Variants in LGR5 observed in about 807,000 individuals in gnomAD.
LGR5 encodes leucine rich repeat containing G protein-coupled receptor 5.
A neutral mutation model predicts 76.7 loss-of-function variants in LGR5; 54 were observed. That is an observed-to-expected ratio of 0.70 (90% CI 0.57 to 0.88). The LOEUF (loss-of-function observed/expected upper bound fraction) is 0.88. Among genes scored for constraint, LGR5 ranks in the 40% least tolerant of loss-of-function variants. The pLI is 0.00. For synonymous variants in LGR5, 406 were observed against 421.9 expected (o/e 0.96, Z 0.46); for missense variants, 1,078 against 1,073.3 (o/e 1.00, Z -0.06).
intron 1 of LGR5, among the ~76,000 whole-genome samples, chr12:71,472,598 GTCC>G (rs1334238262): frequency 6.6e-6 from 1 of 152,152 alleles, no homozygotes; most frequent in East Asian, 1.9e-4. Flanking sequence ...ACCACAACAT[GTCC>G]TCCTATCTTG....
In LGR5 at chr12:71,483,026, T is replaced by C. The variant is rs113650907; in HGVS notation, c.213-21588T>C. Among the ~76,000 whole-genome samples the C allele has an allele frequency of 2.8e-3, 428 of 152,158 alleles. 2 individuals are homozygous for C. The highest frequency in any genetic ancestry group is 9.5e-3 in the African/African-American group (393 of 41,506). Reference sequence around the variant, plus strand: ...ACCCCTAAGACAAATTTGGGAAAATTTGTGGGCATCAAAGAGCCCTGTAAA... The same window carrying C: ...ACCCCTAAGACAAATTTGGGAAAATCTGTGGGCATCAAAGAGCCCTGTAAA... On this transcript the variant is annotated intron_variant, in intron 1 of 17. Coordinates refer to ENST00000266674, the MANE Select transcript of LGR5 (RefSeq NM_003667.4).
chr12:71,536,755 T>C (rs1002217542), intron 4 of LGR5, among the ~76,000 whole-genome samples: 1 of 152,200 alleles, frequency 6.6e-6, no homozygotes, highest in Admixed American at 6.5e-5. Flanking sequence ...GTGAACTCTT[T>C]GAGAAAAAGA....
chr12:71,504,753 C>T, intron 2 of LGR5, 68 bp downstream of exon 2: 1 of 1,256,324 alleles, frequency 8.0e-7, no homozygotes, highest in Non-Finnish European at 1.2e-6. Context: ...GTCTCTCATA[C>T]TTACTGTGGG....
intron 1 of LGR5, among the ~76,000 whole-genome samples, chr12:71,466,738 G>T (rs34124466): frequency 0.19 from 28,403 of 151,626 alleles, 3,294 homozygotes; most frequent in African/African-American, 0.32. Flanking sequence ...AAACTTAAAA[G>T]GTTTTCTTTG....
chr12:71,567,686 G>A (rs981846156), intron 11 of LGR5, among the ~76,000 whole-genome samples: 5 of 152,108 alleles, frequency 3.3e-5, no homozygotes, highest in African/African-American at 1.2e-4. Context: ...TAGATAAACG[G>A]GAATGGCTGC....
chr12:71,489,024 G>A (rs35539623), intron 1 of LGR5, among the ~76,000 whole-genome samples: 23,857 of 152,126 alleles, frequency 0.16, 2,430 homozygotes, highest in Middle Eastern at 0.24. Context: ...TTTTCTACAA[G>A]GGAAAGCCTT....
chr12:71,572,824 C>T, intron 12 of LGR5, 26 bp from the exon 13 acceptor site: 2 of 1,588,428 alleles, frequency 1.3e-6, no homozygotes, highest in Non-Finnish European at 1.7e-6. Context: ...ACTTTGAAAT[C>T]AATCTTTGGA....
chr12:71,546,295 A>G (rs1406297356), intron 4 of LGR5, among the ~76,000 whole-genome samples: 1 of 141,862 alleles, frequency 7.0e-6, no homozygotes, highest in Admixed American at 7.5e-5. Context: ...AGCCTGGGAG[A>G]CAGAGTGAGA....
At chr12:71,449,412 CT>C (rs1872160066) in intron 1 of LGR5, among the ~76,000 whole-genome samples, 1 of 152,106 alleles carries the variant, frequency 6.6e-6, no homozygotes, top group South Asian at 2.1e-4. Flanking sequence ...AGTTCAAGAT[CT>C]TTTTTTATTG....
At chr12:71,580,148 T>C (rs1475479160) in intron 15 of LGR5, 130 bp from the exon 16 acceptor site, 1 of 777,030 alleles carries the variant, frequency 1.3e-6, no homozygotes, top group Non-Finnish European at 2.0e-6. Context: ...TTTATGTGCA[T>C]AACTTATACT....
intron 1 of LGR5, among the ~76,000 whole-genome samples, chr12:71,494,602 A>G (rs1003857584): frequency 6.6e-6 from 1 of 151,228 alleles, no homozygotes; most frequent in Admixed American, 6.6e-5. Flanking sequence ...CCATTTTTCT[A>G]GAATGGCACA....
At chr12:71,499,134 G>A (rs1874475903) in intron 1 of LGR5, among the ~76,000 whole-genome samples, 1 of 152,162 alleles carries the variant, frequency 6.6e-6, no homozygotes, top group South Asian at 2.1e-4. Context: ...CAGAGCTGAG[G>A]TTTTTCCAGG....
intron 4 of LGR5, among the ~76,000 whole-genome samples, chr12:71,546,769 C>G (rs1565741906): frequency 3.3e-5 from 5 of 152,162 alleles, no homozygotes; most frequent in Admixed American, 2.0e-4. Context: ...CTACAACACC[C>G]CCATTTCAGA....
At chr12:71,563,674 C>T (rs1485567820) in intron 8 of LGR5, among the ~76,000 whole-genome samples, 1 of 152,290 alleles carries the variant, frequency 6.6e-6, no homozygotes, top group African/African-American at 2.4e-5. Flanking sequence ...ATCCCATTCC[C>T]TCACTATGCT....
intron 5 of LGR5, among the ~76,000 whole-genome samples, chr12:71,555,434 C>CT (rs1190429379): frequency 3.3e-5 from 5 of 152,208 alleles, no homozygotes; most frequent in Admixed American, 6.5e-5. Flanking sequence ...TCTGACCTAA[C>CT]TGACTTACCA....
chr12:71,490,854 A>G (rs1874037565), intron 1 of LGR5, among the ~76,000 whole-genome samples: 1 of 152,144 alleles, frequency 6.6e-6, no homozygotes, highest in Non-Finnish European at 1.5e-5. Flanking sequence ...TTTGATGGGA[A>G]GTTTGTTCAT....
chr12:71,571,665 G>A, intron 12 of LGR5, 86 bp downstream of exon 12: 1 of 913,124 alleles, frequency 1.1e-6, no homozygotes, highest in Non-Finnish European at 1.8e-6. Context: ...TTTACCCTGT[G>A]GTTCACTGGG....
chr12:71,573,252 TTCTA>T (rs1878697312), intron 13 of LGR5, among the ~76,000 whole-genome samples: 1 of 152,200 alleles, frequency 6.6e-6, no homozygotes, highest in Non-Finnish European at 1.5e-5. Flanking sequence ...GATCACATAA[TTCTA>T]TCTGCCTGCT....
intron 14 of LGR5, 146 bp downstream of exon 14, chr12:71,578,142 A>ACAT: frequency 1.6e-6 from 1 of 607,048 alleles, no homozygotes; most frequent in Non-Finnish European, 2.9e-6. Flanking sequence ...TGTCAGAGCC[A>ACAT]GGGAGGAGTT....
Sources: allele counts gnomAD v4.1 joint callset (sites outside exome capture counted in the v4.1 genomes callset), GRCh38; gene constraint gnomAD v4.1.1; transcripts MANE v1.5; gene names NCBI Gene and HGNC (gene_info 2026-07-23, HGNC 2026-07-21).